The following CYFIP2 variants were observed in gnomAD, a reference collection of about 807,000 sequenced individuals.
The protein encoded by CYFIP2 is cytoplasmic FMR1 interacting protein 2.
In CYFIP2, 29 loss-of-function variants were observed where a neutral mutation model predicts 158.7. That is an observed-to-expected ratio of 0.18 (90% CI 0.14 to 0.25). The LOEUF (loss-of-function observed/expected upper bound fraction) is 0.25, where lower values mean the gene tolerates loss of function less well. Among genes scored for constraint, CYFIP2 ranks in the 10% least tolerant of loss-of-function variants. CYFIP2 has a pLI of 1.00. For synonymous variants in CYFIP2, 585 were observed against 617.6 expected, an observed-to-expected ratio of 0.95 and a Z score of 0.78; for missense variants, 852 against 1,639.5, an observed-to-expected ratio of 0.52 and a Z score of 8.29.
In CYFIP2 at chr5:157,390,231, G is replaced by T. The variant is rs1042850899; in HGVS notation, c.3447-290G>T. Among the ~76,000 whole-genome samples, 11 of 152,142 alleles carry T rather than the reference G, an allele frequency of 7.2e-5. 1 individual carries two copies. Among genetic ancestry groups the T allele is most frequent in the Admixed American group, 6.5e-4 (10 of 15,298 alleles). On this transcript the variant is annotated intron_variant, in intron 29 of 30. Coordinates refer to ENST00000620254, the MANE Select transcript of CYFIP2 (RefSeq NM_001037333.3). ...CAGCCACATACATCTCAACAGCTGG[G>T]TGGGTTTTTCCTTGCAAATTCAGAG...
intron 29 of CYFIP2, 34 bp from the exon 30 acceptor site, chr5:157,390,485 CCT>C: frequency 6.7e-7 from 1 of 1,503,164 alleles, no homozygotes; most frequent in Non-Finnish European, 9.0e-7. Context: ...CCTCCCCCGA[CCT>C]CTCACTCCAG....
intron 1 of CYFIP2, among the ~76,000 whole-genome samples, chr5:157,278,891 T>A (rs562608120): frequency 6.6e-6 from 1 of 152,284 alleles, no homozygotes; most frequent in South Asian, 2.1e-4. Context: ...AATAAGCAAA[T>A]CCTCTCTGCC....
chr5:157,307,183 C>T (rs1205376568), intron 8 of CYFIP2, among the ~76,000 whole-genome samples: 2 of 152,168 alleles, frequency 1.3e-5, no homozygotes, highest in Non-Finnish European at 2.9e-5. Flanking sequence ...TCCTTGGAAA[C>T]ATTTACATTG....
At chr5:157,352,141 G>A (rs573017364) in intron 23 of CYFIP2, among the ~76,000 whole-genome samples, 33 of 152,240 alleles carry the variant, frequency 2.2e-4, no homozygotes, top group Non-Finnish European at 3.1e-4. Context: ...CATAGATTGC[G>A]GCATAAAGCA....
intron 13 of CYFIP2, among the ~76,000 whole-genome samples, chr5:157,316,502 T>A (rs898797415): frequency 6.6e-6 from 1 of 152,240 alleles, no homozygotes; most frequent in African/African-American, 2.4e-5. Context: ...TCTGTCTGAT[T>A]TATAACCTTT....
rs1208087011 is a variant in CYFIP2 at position 157,302,781 on chromosome 5, A to G, written c.570-13A>G. 4.5e-6 allele frequency: 7 copies of G among 1,564,544 alleles called. No individual in the cohort carries two copies. The highest frequency in any genetic ancestry group is 1.9e-5 in the Admixed American group (1 of 52,482). ...GACAGTCCTCTCTGCAGCACCCACT[A>G]TCTGCGTTTCAGGGCAGCACAGTTC... is the stretch of plus-strand genomic sequence containing the variant. On this transcript the variant is annotated splice_polypyrimidine_tract_variant and intron_variant, in intron 6 of 30. Transcript: ENST00000620254.
At chr5:157,348,600 C>T (rs534293674) in intron 23 of CYFIP2, among the ~76,000 whole-genome samples, 17 of 152,224 alleles carry the variant, frequency 1.1e-4, no homozygotes, top group African/African-American at 3.1e-4. Flanking sequence ...TTAGTAGAGA[C>T]GGAGTTTCAC....
chr5:157,351,551 T>C (rs1363834094), intron 23 of CYFIP2, among the ~76,000 whole-genome samples: 1 of 152,194 alleles, frequency 6.6e-6, no homozygotes, highest in Non-Finnish European at 1.5e-5. Flanking sequence ...AGATCGGCCT[T>C]CTTATCACCA....
chr5:157,341,111 G>A lies in CYFIP2; in HGVS notation c.2627G>A (p.Arg876Gln), dbSNP rs1762217430. ...ATTCCTTTCACCCAAGAACCACAAC[G>A]AGACAAACCTGCCAACGTCCAGCCT... ...TAIPFTQEPQRDKPANVQPYY... is the reference protein window; with the variant it reads ...TAIPFTQEPQQDKPANVQPYY... The change falls in exon 23 of 31, where the codon CGA (arginine) becomes CAA (glutamine). Residue 876 changes from arginine (R) to glutamine (Q), a missense_variant. By Grantham distance (43) the Arg-to-Gln change is conservative (BLOSUM62 1). This residue lies in a region of CYFIP2 where 191 missense variants were observed against 311.2 expected (regional missense o/e 0.61). Transcript: ENST00000620254. 1.2e-6 allele frequency: 2 copies of A among 1,613,812 alleles called. No homozygotes were observed. Among genetic ancestry groups the A allele is most frequent in the Admixed American group, 1.7e-5 (1 of 59,994 alleles).
At chr5:157,275,670 T>G (rs1378865551) in intron 1 of CYFIP2, among the ~76,000 whole-genome samples, 1 of 152,238 alleles carries the variant, frequency 6.6e-6, no homozygotes, top group Non-Finnish European at 1.5e-5. Flanking sequence ...TAGGATCAGC[T>G]TGTCAATTTC....
Position 157,311,409 on chromosome 5 carries a change from C to T in CYFIP2, c.993-255C>T. ...CATATTACTGGTAAGTATTATGGAC[C>T]AGGTATCTGGAAAGGCCTACAGTTG... On this transcript the variant is annotated intron_variant, in intron 10 of 30. Transcript: ENST00000620254. This position sits in a 1 kb window ranked among gnomAD's most constrained non-coding sequence, Gnocchi z 4.7. 1.9e-6 allele frequency: 1 copy of T among 524,972 alleles called. No individual in the cohort carries two copies. Among genetic ancestry groups the T allele is most frequent in the Non-Finnish European group, 3.4e-6 (1 of 290,182 alleles). The allele number at this position is 524,972 out of a possible 1,614,324, so 32.5% of individuals were successfully genotyped here.
rs376687042 is a variant in CYFIP2 at position 157,285,400 on chromosome 5, C to T, written c.39C>T (p.Asn13=). 3.1e-5 allele frequency: 49 copies of T among 1,579,512 alleles called. No homozygotes were observed. Among genetic ancestry groups the T allele is most frequent in the African/African-American group, 5.4e-5 (4 of 74,236 alleles). The change falls in exon 2 of 31, where the codon AAC becomes AAT. Residue 13 remains asparagine, a synonymous_variant. Transcript: ENST00000620254. ...TCACCCTGGAAGATGCCCTGTCCAACGTGGACCTGCTTGAAGAGCTTCCCC... is the reference window on the plus strand; with the variant it reads ...TCACCCTGGAAGATGCCCTGTCCAATGTGGACCTGCTTGAAGAGCTTCCCC... ...THVTLEDALS[N]VDLLEELPLP...
Position 157,311,829 on chromosome 5 carries a change from A to AAGGGGTAAGG in CYFIP2, c.1110+51_1110+60dup. 1 of 1,505,340 alleles carries AAGGGGTAAGG rather than the reference A, an allele frequency of 6.6e-7. No homozygotes were observed. The allele number at this position is 1,505,340 out of a possible 1,614,324, so 93.2% of individuals were successfully genotyped here. A position where few individuals can be genotyped will look rare whatever the true frequency, so the allele number is the denominator to read the frequency against. On this transcript the variant is annotated intron_variant, in intron 11 of 30. Coordinates refer to ENST00000620254, the MANE Select transcript of CYFIP2 (RefSeq NM_001037333.3). The surrounding 1 kb of genome is among the most constrained non-coding windows in gnomAD (Gnocchi z 4.7). Reference sequence around the variant, plus strand: ...CACAGGCCCGTGGGCCCAGGGCCAGAAGGGGTAAGGAGCAGCCAGGAAAGA... The same window carrying AAGGGGTAAGG: ...CACAGGCCCGTGGGCCCAGGGCCAGAAGGGGTAAGGAGGGGTAAGGAGCAGCCAGGAAAGA...
intron 20 of CYFIP2, 74 bp from the exon 21 acceptor site, chr5:157,333,253 G>A: frequency 6.3e-7 from 1 of 1,594,636 alleles, no homozygotes; most frequent in Non-Finnish European, 8.6e-7. Context: ...CAAAGTGCTG[G>A]GATTACAGGC....
intron 1 of CYFIP2, among the ~76,000 whole-genome samples, chr5:157,282,997 G>A (rs1334192657): frequency 6.6e-6 from 1 of 152,214 alleles, no homozygotes; most frequent in Non-Finnish European, 1.5e-5. Flanking sequence ...AAAACACCTA[G>A]CGTAGAGGTT....
At chr5:157,333,628 T>C (rs543073885) in intron 21 of CYFIP2, among the ~76,000 whole-genome samples, 182 bp downstream of exon 21, 1 of 152,328 alleles carries the variant, frequency 6.6e-6, no homozygotes, top group East Asian at 1.9e-4. Context: ...CGTTCCTGAT[T>C]GCCTTGGGAA....
At chr5:157,305,043 G>A (rs932979659) in intron 8 of CYFIP2, among the ~76,000 whole-genome samples, 2 of 151,994 alleles carry the variant, frequency 1.3e-5, no homozygotes, top group African/African-American at 4.8e-5. Flanking sequence ...TAGAATAATG[G>A]CCTCCAACTC....
chr5:157,385,981 T>C (rs936787609), intron 28 of CYFIP2, among the ~76,000 whole-genome samples: 5 of 151,524 alleles, frequency 3.3e-5, no homozygotes, highest in African/African-American at 1.2e-4. Context: ...AAACTGCAAA[T>C]TGAGGGTATT....
chr5:157,359,043 C>T lies in CYFIP2; in HGVS notation c.2712C>T (p.Tyr904=). The stretch of plus-strand genomic sequence containing the variant: ...CCTACAGCCACATCTACAGCTCCTA[C>T]AGGAATTTCGTGGGGCCACCTCATT... ...NIAYSHIYSS[Y]RNFVGPPHFK... Residue 904 remains tyrosine, a synonymous_variant, in exon 24 of 31, where the codon TAC becomes TAT. Transcript: ENST00000620254. The T allele has an allele frequency of 1.2e-6, 2 of 1,613,996 alleles. No individual in the cohort carries two copies. The highest frequency in any genetic ancestry group is 1.1e-5 in the South Asian group (1 of 91,082).
Sources: allele counts gnomAD v4.1 joint callset (sites outside exome capture counted in the v4.1 genomes callset), GRCh38; gene constraint gnomAD v4.1.1; regional missense constraint gnomAD v4.1.1; non-coding constraint Gnocchi (gnomAD v3.1); transcripts MANE v1.5; gene names NCBI Gene and HGNC (gene_info 2026-07-23, HGNC 2026-07-21).